Variants in SBF2 observed in about 807,000 individuals in gnomAD.
The protein encoded by SBF2 is SET binding factor 2, also known as myotubularin-related protein 13.
A neutral mutation model predicts 225.2 loss-of-function variants in SBF2; 112 were observed. The observed-to-expected ratio is 0.50, with a 90% CI of 0.43 to 0.58. The LOEUF (loss-of-function observed/expected upper bound fraction) is 0.58. SBF2 is among the 20% of genes least tolerant of loss of function. SBF2 has a pLI of 0.00. For missense variants in SBF2, 1,996 were observed against 2,206.2 expected, an observed-to-expected ratio of 0.90 and a Z score of 1.91; for synonymous variants, 763 against 773.3, an observed-to-expected ratio of 0.99 and a Z score of 0.22.
At chr11:10,254,824 C>T (rs1214824459) in intron 1 of SBF2, among the ~76,000 whole-genome samples, 2 of 128,796 alleles carry the variant, frequency 1.6e-5, no homozygotes, top group Non-Finnish European at 3.1e-5. Context: ...CAGCTTGAAC[C>T]CAAGAGGTGG....
chr11:9,977,189 C>G (rs1946734317), intron 13 of SBF2, among the ~76,000 whole-genome samples: 1 of 151,994 alleles, frequency 6.6e-6, no homozygotes, highest in African/African-American at 2.4e-5. Context: ...ATGTGCATAT[C>G]AAGAATCATA....
At position 9,850,038 on chromosome 11, in the gene SBF2, GTGT is replaced by G; in HGVS notation, c.2788_2790del (p.Thr930del). 6.2e-7 allele frequency: 1 copy of G among 1,613,982 alleles called. No individual in the cohort carries two copies. The highest frequency in any genetic ancestry group is 8.5e-7 in the Non-Finnish European group (1 of 1,179,914). On this transcript the variant is annotated inframe_deletion, in exon 22 of 40. Transcript: ENST00000256190. ...CGAGTCATACCTAACTGATCATGGG[GTGT>G]TCCTCTGAAGAGAATTCTGTATGTG... is the stretch of plus-strand genomic sequence containing the variant.
At chr11:10,213,945 C>T (rs1958032532) in intron 1 of SBF2, among the ~76,000 whole-genome samples, 2 of 152,212 alleles carry the variant, frequency 1.3e-5, no homozygotes, top group South Asian at 2.1e-4. Flanking sequence ...TTGGATCAGA[C>T]TCTGAACCCG....
chr11:9,836,239 A>G (rs1389603246), intron 26 of SBF2, among the ~76,000 whole-genome samples: 2 of 152,084 alleles, frequency 1.3e-5, no homozygotes, highest in East Asian at 3.8e-4. Flanking sequence ...TTATTGTTTT[A>G]AGCTTATTTG....
chr11:9,921,873 C>T (rs1863658286), intron 16 of SBF2, among the ~76,000 whole-genome samples: 1 of 152,162 alleles, frequency 6.6e-6, no homozygotes, highest in African/African-American at 2.4e-5. Flanking sequence ...AATATAAATC[C>T]ATGTGTTTAA....
intron 8 of SBF2, among the ~76,000 whole-genome samples, chr11:10,000,178 C>T (rs1254746010): frequency 6.6e-6 from 1 of 152,224 alleles, no homozygotes. Context: ...GATTTTATTT[C>T]AGCCTTTTAG....
At chr11:10,272,370 A>T (rs1439571067) in intron 1 of SBF2, 1 of 540,626 alleles carries the variant, frequency 1.8e-6, no homozygotes, top group East Asian at 3.1e-5. Context: ...AGTTACTCAC[A>T]CAATTTCCTT....
intron 32 of SBF2, among the ~76,000 whole-genome samples, chr11:9,798,037 T>C (rs995704331): frequency 1.3e-5 from 2 of 151,364 alleles, no homozygotes; most frequent in South Asian, 4.1e-4. Context: ...ATAATTATAA[T>C]AAAACAAGCA....
rs1355448164 is a variant in SBF2 at position 9,779,120 on chromosome 11, T to C, written c.*1298A>G. 1.3e-5 allele frequency: 2 copies of C among 152,660 alleles called. No individual in the cohort carries two copies. The highest frequency in any genetic ancestry group is 2.9e-5 in the Non-Finnish European group (2 of 68,046). The allele number at this position is 152,660 out of a possible 1,614,324, so 9.5% of individuals were successfully genotyped here. On this transcript the variant is annotated 3_prime_UTR_variant, in exon 40 of 40. Coordinates refer to ENST00000256190, the MANE Select transcript of SBF2 (RefSeq NM_030962.4). ...GACAATTTTAAATTTGAAATTCTGA[T>C]TTATTTTTAATCTACAAAGTATTTT...
At chr11:10,228,010 G>A (rs1591262464) in intron 1 of SBF2, among the ~76,000 whole-genome samples, 1 of 151,266 alleles carries the variant, frequency 6.6e-6, no homozygotes. Context: ...GCAGTGGTTT[G>A]TAGTTCTCCT....
At chr11:10,008,849 C>G (rs549947529) in intron 6 of SBF2, among the ~76,000 whole-genome samples, 11 of 152,346 alleles carry the variant, frequency 7.2e-5, no homozygotes, top group Non-Finnish European at 1.3e-4. Context: ...GCAGGTAGGA[C>G]TATAAGTTTT....
intron 9 of SBF2, 53 bp downstream of exon 9, chr11:9,998,213 T>A (rs1590715653): frequency 9.4e-7 from 1 of 1,061,874 alleles, no homozygotes; most frequent in East Asian, 2.4e-5. Flanking sequence ...TTTAGCTATC[T>A]TAGCTTCAGA....
chr11:9,878,725 A>G (rs1055185502), intron 17 of SBF2, among the ~76,000 whole-genome samples: 3 of 152,134 alleles, frequency 2.0e-5, no homozygotes, highest in African/African-American at 7.2e-5. Context: ...TGCTTCTAAG[A>G]TTATAATTTT....
chr11:10,179,897 T>G (rs1565325483), intron 2 of SBF2, among the ~76,000 whole-genome samples: 1 of 152,318 alleles, frequency 6.6e-6, no homozygotes. Flanking sequence ...AATTCAAGGT[T>G]ACCATGAGGC....
intron 1 of SBF2, among the ~76,000 whole-genome samples, chr11:10,266,846 T>C (rs1270451871): frequency 6.6e-6 from 1 of 152,208 alleles, no homozygotes; most frequent in African/African-American, 2.4e-5. Context: ...CCCAACACTT[T>C]GGGAAGCCGA....
intron 6 of SBF2, among the ~76,000 whole-genome samples, chr11:10,015,934 C>T (rs1278535548): frequency 1.3e-5 from 2 of 151,932 alleles, no homozygotes; most frequent in Non-Finnish European, 2.9e-5. Flanking sequence ...CCCCCCATCA[C>T]TCCAGCTAAT....
chr11:9,899,993 T>C (rs1477243897), intron 16 of SBF2, among the ~76,000 whole-genome samples: 1 of 150,014 alleles, frequency 6.7e-6, no homozygotes, highest in East Asian at 2.0e-4. Flanking sequence ...GGGGAAATGC[T>C]GGGTAAACAA....
intron 35 of SBF2, 29 bp from the exon 36 acceptor site, chr11:9,787,767 A>C: frequency 6.3e-7 from 1 of 1,589,852 alleles, no homozygotes; most frequent in African/African-American, 1.3e-5. Flanking sequence ...TTTTCTGATC[A>C]GTATTTCATA....
At chr11:9,898,488 T>C (rs1311102095) in intron 16 of SBF2, among the ~76,000 whole-genome samples, 1 of 151,954 alleles carries the variant, frequency 6.6e-6, no homozygotes, top group East Asian at 1.9e-4. Flanking sequence ...CTGGGCAACA[T>C]GGTGAAACCC....
Sources: allele counts gnomAD v4.1 joint callset (sites outside exome capture counted in the v4.1 genomes callset), GRCh38; gene constraint gnomAD v4.1.1; transcripts MANE v1.5; gene names NCBI Gene and HGNC (gene_info 2026-07-23, HGNC 2026-07-21).